CBFA2T2: variants seen among roughly 807,000 people sequenced by gnomAD.
The protein encoded by CBFA2T2 is protein CBFA2T2.
In CBFA2T2, 11 loss-of-function variants were observed where a neutral mutation model predicts 62.2. The ratio of observed to expected loss-of-function variants is 0.18; its 90% CI spans 0.11 to 0.29. The LOEUF (loss-of-function observed/expected upper bound fraction) is 0.29. Ranked by LOEUF, CBFA2T2 falls within the 10% of genes least tolerant of loss-of-function variation. CBFA2T2 has a pLI of 1.00. For missense variants in CBFA2T2, 592 were observed against 774.1 expected (o/e 0.76, Z 2.79); for synonymous variants, 295 against 287.5 (o/e 1.03, Z -0.27).
At position 33,537,774 on chromosome 20, in the gene CBFA2T2, C is replaced by T. The variant is rs907773205; in HGVS notation, c.34+47473C>T. On this transcript the variant is annotated intron_variant, in intron 1 of 10. Transcript: ENST00000342704. Reference sequence around the variant, plus strand: ...ACTATCATTCCTCTACCGGATTGTCCTTGTACCTTTGTCAAAAATCAGTTG... The same window carrying T: ...ACTATCATTCCTCTACCGGATTGTCTTTGTACCTTTGTCAAAAATCAGTTG... 4.6e-5 allele frequency among the ~76,000 whole-genome samples: 7 copies of T among 152,152 alleles called. No homozygotes were observed. In the East Asian group the frequency reaches 1.4e-3, roughly 29 times the overall value.
intron 1 of CBFA2T2, among the ~76,000 whole-genome samples, chr20:33,512,116 G>C (rs1351457491): frequency 6.6e-6 from 1 of 152,060 alleles, no homozygotes; most frequent in Non-Finnish European, 1.5e-5. Context: ...GGGGGAGGTT[G>C]CAGTGAGCTG....
chr20:33,591,863 G>C (rs112858924), intron 1 of CBFA2T2, among the ~76,000 whole-genome samples: 3 of 150,518 alleles, frequency 2.0e-5, no homozygotes, highest in African/African-American at 2.4e-5. Context: ...CGGGGTGGGA[G>C]GGGGGGGCCT....
intron 1 of CBFA2T2, among the ~76,000 whole-genome samples, chr20:33,545,470 T>TTTCTTTCTTTCG (rs1209263074): frequency 3.0e-4 from 46 of 151,438 alleles, no homozygotes; most frequent in African/African-American, 1.0e-3. Flanking sequence ...TCTTTCTTTC[T>TTTCTTTCTTTCG]TTCGTTCGTT....
intron 1 of CBFA2T2, among the ~76,000 whole-genome samples, chr20:33,544,825 G>A (rs538171058): frequency 1.6e-4 from 24 of 152,272 alleles, no homozygotes; most frequent in Non-Finnish European, 2.9e-4. Flanking sequence ...AATTACAGGC[G>A]TGAGCCACTG....
At chr20:33,595,370 C>T (rs2014840047) in intron 1 of CBFA2T2, among the ~76,000 whole-genome samples, 1 of 151,958 alleles carries the variant, frequency 6.6e-6, no homozygotes, top group Non-Finnish European at 1.5e-5. Context: ...CACCACCATG[C>T]CCAGCTGATT....
At chr20:33,508,228 G>A (rs1379064372) in intron 1 of CBFA2T2, among the ~76,000 whole-genome samples, 1 of 152,014 alleles carries the variant, frequency 6.6e-6, no homozygotes, top group Non-Finnish European at 1.5e-5. Flanking sequence ...CCAAGTAGCT[G>A]GTATTACAGG....
At chr20:33,609,893 T>C (rs1358901900) in intron 2 of CBFA2T2, among the ~76,000 whole-genome samples, 1 of 152,276 alleles carries the variant, frequency 6.6e-6, no homozygotes, top group African/African-American at 2.4e-5. Context: ...AGATAAAGTT[T>C]CACTTTTTTA....
intron 1 of CBFA2T2, among the ~76,000 whole-genome samples, chr20:33,493,369 C>T (rs2011163783): frequency 6.6e-6 from 1 of 152,144 alleles, no homozygotes; most frequent in Non-Finnish European, 1.5e-5. Flanking sequence ...AGTAACTGCA[C>T]CTGGCCTTGA....
Position 33,514,206 on chromosome 20 carries a change from GTTTTTTTTTTTT to G in CBFA2T2, c.34+23920_34+23931del, listed in dbSNP as rs1196003433. Among the ~76,000 whole-genome samples the G allele has an allele frequency of 2.0e-3, 107 of 53,348 alleles. 2 individuals carry two copies. The South Asian group carries it at 0.075, about 37-fold the overall frequency. 35.0% of individuals were successfully genotyped at this position (53,348 alleles called of 152,430 possible). ...GCGTGAGCCACCGTGCCCTGCCTTT[GTTTTTTTTTTTT>G]TTTTTTTTTTTTTTGAGATAGAGTC... On this transcript the variant is annotated intron_variant, in intron 1 of 10. Coordinates refer to ENST00000342704, the MANE Select transcript of CBFA2T2 (RefSeq NM_001032999.3).
At chr20:33,625,144 T>A (rs952060422) in intron 6 of CBFA2T2, 127 bp downstream of exon 6, 1 of 885,762 alleles carries the variant, frequency 1.1e-6, no homozygotes. Flanking sequence ...ATACATAGAC[T>A]ATTAGAATCA....
intron 1 of CBFA2T2, among the ~76,000 whole-genome samples, chr20:33,529,173 C>T (rs2011973255): frequency 6.6e-6 from 1 of 151,942 alleles, no homozygotes; most frequent in South Asian, 2.1e-4. Context: ...CTACAGGTGC[C>T]TGCCACCATG....
chr20:33,529,629 C>T (rs1250744229), intron 1 of CBFA2T2, among the ~76,000 whole-genome samples: 1 of 150,934 alleles, frequency 6.6e-6, no homozygotes, highest in Non-Finnish European at 1.5e-5. Flanking sequence ...TGTGCCACAC[C>T]TCAGGAGGCT....
intron 1 of CBFA2T2, among the ~76,000 whole-genome samples, chr20:33,547,984 A>G (rs2012629010): frequency 6.6e-6 from 1 of 151,882 alleles, no homozygotes; most frequent in Non-Finnish European, 1.5e-5. Context: ...GCTGTATTGC[A>G]GGTTTTGAAC....
At chr20:33,585,225 G>T (rs1004018216) in intron 1 of CBFA2T2, among the ~76,000 whole-genome samples, 13 of 152,078 alleles carry the variant, frequency 8.5e-5, no homozygotes, top group African/African-American at 3.1e-4. Flanking sequence ...TAATTCTTCT[G>T]GAGAAAAGCA....
intron 2 of CBFA2T2, among the ~76,000 whole-genome samples, chr20:33,610,011 G>A (rs559324274): frequency 1.4e-4 from 21 of 152,294 alleles, no homozygotes; most frequent in African/African-American, 4.3e-4. Flanking sequence ...TGCCAGGCAC[G>A]GTGGCTCATG....
intron 1 of CBFA2T2, among the ~76,000 whole-genome samples, chr20:33,503,055 C>T (rs1364327180): frequency 3.5e-4 from 41 of 116,436 alleles, no homozygotes; most frequent in Non-Finnish European, 6.1e-4. Flanking sequence ...CGCGCCACTG[C>T]GCTCCAGCTT....
At chr20:33,622,505 A>G (rs1039483948) in intron 4 of CBFA2T2, among the ~76,000 whole-genome samples, 2 of 152,244 alleles carry the variant, frequency 1.3e-5, no homozygotes, top group African/African-American at 4.8e-5. Flanking sequence ...AAAGATGTAT[A>G]GGGTTTTAAA....
intron 1 of CBFA2T2, among the ~76,000 whole-genome samples, chr20:33,603,254 C>T (rs2015207988): frequency 6.6e-6 from 1 of 152,156 alleles, no homozygotes; most frequent in Admixed American, 6.5e-5. Context: ...GAAAAAATAT[C>T]ACTGCTATCA....
intron 1 of CBFA2T2, among the ~76,000 whole-genome samples, chr20:33,502,508 G>A (rs181689730): frequency 1.3e-5 from 2 of 151,632 alleles, no homozygotes; most frequent in Non-Finnish European, 2.9e-5. Flanking sequence ...CCGGGTTCAC[G>A]CCATTCTGCC....
Sources: allele counts gnomAD v4.1 joint callset (sites outside exome capture counted in the v4.1 genomes callset), GRCh38; gene constraint gnomAD v4.1.1; transcripts MANE v1.5; gene names NCBI Gene and HGNC (gene_info 2026-07-23, HGNC 2026-07-21).